The following CPLANE1 variants were observed in gnomAD, a reference collection of about 807,000 sequenced individuals.
CPLANE1 encodes the protein ciliogenesis and planar polarity effector complex subunit 1.
A neutral mutation model predicts 362.5 loss-of-function variants in CPLANE1; 263 were observed. The ratio of observed to expected loss-of-function variants is 0.73; its 90% CI spans 0.66 to 0.80. The LOEUF (loss-of-function observed/expected upper bound fraction) is 0.80. Among genes scored for constraint, CPLANE1 ranks in the 30% least tolerant of loss-of-function variants. The pLI, the probability that CPLANE1 is intolerant of heterozygous loss-of-function variation, is 0.00. For synonymous variants in CPLANE1, 1,212 were observed against 1,302.6 expected, an observed-to-expected ratio of 0.93 and a Z score of 1.50; for missense variants, 3,461 against 3,793.4, an observed-to-expected ratio of 0.91 and a Z score of 2.30.
chr5:37,105,171 G>A (rs555160175), downstream of CPLANE1, among the ~76,000 whole-genome samples: 71 of 152,086 alleles, frequency 4.7e-4, no homozygotes, highest in African/African-American at 1.3e-3. Flanking sequence ...ATGGTGGTGC[G>A]CACCTGGAGT....
rs1027280480 is a variant in CPLANE1, at chr5:37,169,916, G to A, written c.6462+125C>T. Reference sequence around the variant, plus strand: ...TGACTTTTGTATTTTTAGTAGAGACGGGGTTTCACGATGTTGGCCAGGCTG... The same window carrying A: ...TGACTTTTGTATTTTTAGTAGAGACAGGGTTTCACGATGTTGGCCAGGCTG... On this transcript the variant is annotated intron_variant, in intron 33 of 52. Transcript: ENST00000651892. 2.0e-5 allele frequency: 18 copies of A among 903,576 alleles called. 1 individual carries two copies. The highest frequency in any genetic ancestry group is 6.7e-5 in the African/African-American group (4 of 59,820). 56.0% of individuals were successfully genotyped at this position (903,576 alleles called of 1,614,324 possible).
At chr5:37,141,794 T>G in intron 44 of CPLANE1, 2 of 979,518 alleles carry the variant, frequency 2.0e-6, no homozygotes, top group Admixed American at 6.1e-5. Flanking sequence ...AATTGCTACC[T>G]CCAAATGAAA....
At chr5:37,175,815 A>C (rs1031302400) in intron 31 of CPLANE1, 94 bp downstream of exon 31, 19 of 805,024 alleles carry the variant, frequency 2.4e-5, no homozygotes, top group Non-Finnish European at 3.7e-5. Flanking sequence ...AAAATGTAGC[A>C]ATTGTTTCAA....
intron 48 of CPLANE1, 24 bp downstream of exon 48, chr5:37,122,406 C>T: frequency 1.3e-6 from 2 of 1,599,674 alleles, no homozygotes; most frequent in Non-Finnish European, 1.7e-6. Flanking sequence ...AGAGAAAACA[C>T]AGGGTTACAG....
At chr5:37,116,800 A>T (rs1351996264) in intron 50 of CPLANE1, among the ~76,000 whole-genome samples, 1 of 152,210 alleles carries the variant, frequency 6.6e-6, no homozygotes, top group Non-Finnish European at 1.5e-5. Flanking sequence ...TCACCTCCCC[A>T]CATGTGCAAT....
intron 24 of CPLANE1, 105 bp from the exon 25 acceptor site, chr5:37,185,184 T>C: frequency 2.2e-6 from 2 of 911,570 alleles, no homozygotes; most frequent in South Asian, 1.8e-5. Context: ...ACCTAACTGA[T>C]GACTAAGGCT....
rs1379533613 is a variant in CPLANE1, at chr5:37,243,043, C to T, written c.647G>A (p.Arg216Gln). The T allele has an allele frequency of 4.5e-6, 7 of 1,545,598 alleles. No homozygotes were observed. The highest frequency in any genetic ancestry group is 4.0e-5 in the Admixed American group (2 of 49,996). Residue 216 changes from arginine to glutamine, a missense_variant, in exon 6 of 53, where the codon CGG becomes CAG. Around this residue, in one of 2 missense-constraint regions of CPLANE1, gnomAD observed 3,380 missense variants for 3,666.1 expected, o/e 0.92. Transcript: ENST00000651892. The stretch of plus-strand genomic sequence containing the variant: ...AGATGTAAATACATTCTCATGCCAC[C>T]GAATTGCTAGAAATGTTAACTTCAG... ...ECLKLTFLAI[R>Q]WHENVFTSVR...
At position 37,170,081 on chromosome 5, in the gene CPLANE1, C is replaced by G; in HGVS notation, c.6422G>C (p.Gly2141Ala). 6.2e-7 allele frequency: 1 copy of G among 1,614,126 alleles called. No individual in the cohort carries two copies. Among genetic ancestry groups the G allele is most frequent in the Non-Finnish European group, 8.5e-7 (1 of 1,180,026 alleles). ...ACTATTTTGACCAGATGGGATAGTT[C>G]CTTCATGGCAGTGTGGGCTGTTCTT... Reference protein sequence around the residue: ...PRKNSPHCHEGTIPSGQNSTG... With the variant: ...PRKNSPHCHEATIPSGQNSTG... Residue 2141 changes from glycine (G) to alanine (A), a missense_variant, in exon 33 of 53, where the codon GGA becomes GCA. By Grantham distance (60) the Gly-to-Ala change is moderately conservative. Around this residue, in one of 2 missense-constraint regions of CPLANE1, gnomAD observed 3,380 missense variants for 3,666.1 expected, o/e 0.92. Transcript: ENST00000651892.
At position 37,227,277 on chromosome 5, in the gene CPLANE1, T is replaced by A; in HGVS notation, c.1487A>T (p.Glu496Val). The stretch of plus-strand genomic sequence containing the variant: ...TGCTGCATTTTCATTTATTGTTTCT[T>A]CTGCCTGCAAGAATTTGGGGACAGT... ...DFTVPKFLQA[E>V]ETINENAADF... The change falls in exon 11 of 53, where the codon GAA becomes GTA. Residue 496 changes from glutamate (E) to valine (V), a missense_variant. By Grantham distance (121) the Glu-to-Val change is moderately radical. Around this residue, in one of 2 missense-constraint regions of CPLANE1, gnomAD observed 3,380 missense variants for 3,666.1 expected, o/e 0.92. Coordinates refer to ENST00000651892, the MANE Select transcript of CPLANE1 (RefSeq NM_001384732.1). The A allele has an allele frequency of 1.3e-6, 2 of 1,552,140 alleles. No individual in the cohort carries two copies. Among genetic ancestry groups the A allele is most frequent in the Non-Finnish European group, 1.7e-6 (2 of 1,147,020 alleles).
At chr5:37,106,179 G>T (rs967519409), downstream of CPLANE1, 1 of 152,174 alleles carries the variant, frequency 6.6e-6, no homozygotes, top group African/African-American at 2.4e-5. Flanking sequence ...ATATGATCTA[G>T]CAATCCCATA....
At chr5:37,127,040 T>G (rs895368634) in intron 46 of CPLANE1, among the ~76,000 whole-genome samples, 1 of 152,194 alleles carries the variant, frequency 6.6e-6, no homozygotes, top group Non-Finnish European at 1.5e-5. Flanking sequence ...GAATTTCTAA[T>G]GGGCTTGCCT....
intron 30 of CPLANE1, among the ~76,000 whole-genome samples, chr5:37,176,552 G>GAAAGA (rs764471454): frequency 6.6e-6 from 1 of 151,862 alleles, no homozygotes; most frequent in African/African-American, 2.4e-5. Flanking sequence ...AAAAAGAAAA[G>GAAAGA]AAAGAAAAGA....
At chr5:37,093,504 T>C in the CPLANE1 span, among the ~76,000 whole-genome samples, 3 of 102,024 alleles carry the variant, frequency 2.9e-5, no homozygotes, top group African/African-American at 1.1e-4. Flanking sequence ...CTTCACACTA[T>C]AGATCTACAC....
At chr5:37,231,427 C>T (rs576985932) in intron 8 of CPLANE1, among the ~76,000 whole-genome samples, 4 of 152,220 alleles carry the variant, frequency 2.6e-5, no homozygotes, top group African/African-American at 4.8e-5. Flanking sequence ...ATAAGCCAGG[C>T]GTGGTGGCGG....
chr5:37,101,868 A>AT (rs1435071169), downstream of CPLANE1, among the ~76,000 whole-genome samples: 3 of 151,364 alleles, frequency 2.0e-5, no homozygotes, highest in African/African-American at 7.3e-5. Context: ...TTTCTTCCAG[A>AT]TTTTCTAGTT....
intron 23 of CPLANE1, among the ~76,000 whole-genome samples, chr5:37,186,786 G>A (rs1784102785): frequency 6.6e-6 from 1 of 152,062 alleles, no homozygotes; most frequent in Non-Finnish European, 1.5e-5. Flanking sequence ...ATAGCCCGGC[G>A]CGGTGGCTCA....
At chr5:37,241,146 T>A (rs546297972) in intron 6 of CPLANE1, among the ~76,000 whole-genome samples, 113 of 147,756 alleles carry the variant, frequency 7.6e-4, no homozygotes, top group Middle Eastern at 3.8e-3. Flanking sequence ...AAAAAAAAAA[T>A]AAAATAAAAA....
chr5:37,117,783 T>A (rs1402328703), intron 50 of CPLANE1, among the ~76,000 whole-genome samples: 2 of 152,232 alleles, frequency 1.3e-5, no homozygotes, highest in Non-Finnish European at 2.9e-5. Flanking sequence ...TCCTCAAGCA[T>A]AATCCAGCAA....
intron 19 of CPLANE1, among the ~76,000 whole-genome samples, chr5:37,199,154 T>G (rs1485011307): frequency 1.4e-5 from 2 of 146,094 alleles, no homozygotes; most frequent in Non-Finnish European, 3.0e-5. Context: ...CTTCTCAAAC[T>G]AGGATGTTCC....
Sources: gnomAD v4.1 joint callset for allele counts (sites outside exome capture counted in the v4.1 genomes callset) on GRCh38, gnomAD v4.1.1 for gene constraint, gnomAD v4.1.1 regional missense constraint, MANE v1.5 for transcripts, NCBI Gene and HGNC (gene_info 2026-07-23, HGNC 2026-07-21) for gene names.